The following DAB1 variants were observed in gnomAD, a reference collection of about 807,000 sequenced individuals.
DAB1 encodes the protein DAB adaptor protein 1, also known as disabled homolog 1.
DAB1 carries 15 observed loss-of-function variants against 64.6 expected under a neutral mutation model. That is an observed-to-expected ratio of 0.23 (90% CI 0.16 to 0.36). The LOEUF is 0.36. DAB1 is among the 10% of genes least tolerant of loss of function. DAB1 has a pLI of 1.00. For synonymous variants in DAB1, 235 were observed against 251.9 expected, an observed-to-expected ratio of 0.93 and a Z score of 0.64; for missense variants, 596 against 706.7, an observed-to-expected ratio of 0.84 and a Z score of 1.78.
At chr1:57,690,324 T>G (rs904196220) in intron 6 of DAB1, among the ~76,000 whole-genome samples, 6 of 152,174 alleles carry the variant, frequency 3.9e-5, no homozygotes, top group Non-Finnish European at 5.9e-5. Context: ...TAATCCCCTA[T>G]GTCAGAGGAG....
At chr1:57,781,884 T>C (rs1276214180) in intron 6 of DAB1, among the ~76,000 whole-genome samples, 1 of 152,158 alleles carries the variant, frequency 6.6e-6, no homozygotes, top group Non-Finnish European at 1.5e-5. Context: ...CAAGGTACGG[T>C]TTTCCTTATT....
intron 4 of DAB1, among the ~76,000 whole-genome samples, chr1:58,157,766 G>T (rs1286885109): frequency 6.6e-6 from 1 of 152,116 alleles, no homozygotes; most frequent in African/African-American, 2.4e-5. Flanking sequence ...CATCTTTTTA[G>T]TCCATGATCC....
At chr1:57,413,003 C>T (rs1041435670) in intron 1 of DAB1, among the ~76,000 whole-genome samples, 1 of 152,134 alleles carries the variant, frequency 6.6e-6, no homozygotes, top group African/African-American at 2.4e-5. Context: ...CTGACTCTAT[C>T]GTTAGGGGTG....
At chr1:57,017,528 G>T (rs759679824) in intron 11 of DAB1, among the ~76,000 whole-genome samples, 5 of 152,110 alleles carry the variant, frequency 3.3e-5, no homozygotes, top group East Asian at 1.9e-4. Context: ...AATATTCAAG[G>T]CCTGGTCATT....
rs117235755 is a variant in DAB1 at position 57,769,369 on chromosome 1, T to A, written n.551+114630A>T. Among the ~76,000 whole-genome samples, 1,026 of 152,266 alleles carry A rather than the reference T, an allele frequency of 6.7e-3. 15 individuals are homozygous for A. The highest frequency in any genetic ancestry group is 0.03 in the Admixed American group (452 of 15,284). On this transcript the variant is annotated intron_variant and non_coding_transcript_variant, in intron 6 of 20. Coordinates refer to the DAB1 transcript ENST00000485760. ...TGACCTTTCCTGGGTCTTGTGAGGA[T>A]CAACATTATGCTATGAGCTAGTCTC...
chr1:57,607,134 T>C (rs984974932), intron 7 of DAB1, among the ~76,000 whole-genome samples: 2 of 152,100 alleles, frequency 1.3e-5, no homozygotes, highest in African/African-American at 4.8e-5. Context: ...TTAAATCAGT[T>C]TGGTGAGTTT....
At chr1:57,890,160 GTT>G (rs1249975766) in intron 5 of DAB1, among the ~76,000 whole-genome samples, 3 of 152,140 alleles carry the variant, frequency 2.0e-5, no homozygotes, top group African/African-American at 7.2e-5. Context: ...AGTGATTGGA[GTT>G]AGGGGACTGG....
chr1:58,205,517 C>G (rs536848264), intron 4 of DAB1, among the ~76,000 whole-genome samples: 1 of 152,198 alleles, frequency 6.6e-6, no homozygotes, highest in Non-Finnish European at 1.5e-5. Context: ...CCCTGAGAAC[C>G]TGTTTGTGAT....
chr1:58,063,529 A>C (rs928228280), intron 5 of DAB1, among the ~76,000 whole-genome samples: 2 of 152,174 alleles, frequency 1.3e-5, no homozygotes, highest in African/African-American at 4.8e-5. Flanking sequence ...CATGGAGTAG[A>C]AAGAGTGTCT....
At chr1:57,355,785 A>G (rs1679043592) in intron 1 of DAB1, among the ~76,000 whole-genome samples, 2 of 152,034 alleles carry the variant, frequency 1.3e-5, no homozygotes, top group South Asian at 4.1e-4. Context: ...AGCTTTGTAC[A>G]TAAGAATTTT....
At chr1:57,670,751 A>G (rs915840173) in intron 6 of DAB1, among the ~76,000 whole-genome samples, 20 of 152,264 alleles carry the variant, frequency 1.3e-4, no homozygotes, top group African/African-American at 4.8e-4. Context: ...AACCTGTTGC[A>G]TAATGTAAAA....
rs140754433 is a variant in DAB1, at chr1:57,134,773, C to T, written c.306+1770G>A. ...CAAAAGGACTCAGGAGCCAGACCGC[C>T]TAGGTTCTAATCCTGCCTCTGTCAC... On this transcript the variant is annotated intron_variant, in intron 4 of 14. Coordinates refer to ENST00000371236, the MANE Select transcript of DAB1 (RefSeq NM_001365792.1). Among the ~76,000 whole-genome samples, 582 of 152,226 alleles carry T rather than the reference C, an allele frequency of 3.8e-3. 8 individuals are homozygous for T. The highest frequency in any genetic ancestry group is 0.013 in the African/African-American group (537 of 41,532).
In DAB1 at chr1:57,304,073, C is replaced by A. The variant is rs142691726; in HGVS notation, c.-136-12907G>T. ...TATTGCTATAGAGAAATACCTGAGGCTCGGTAATTTATAAGAAAAGAGGTT... is the reference window on the plus strand; with the variant it reads ...TATTGCTATAGAGAAATACCTGAGGATCGGTAATTTATAAGAAAAGAGGTT... On this transcript the variant is annotated intron_variant, in intron 1 of 14. Coordinates refer to ENST00000371236, the MANE Select transcript of DAB1 (RefSeq NM_001365792.1). Among the ~76,000 whole-genome samples the A allele has an allele frequency of 3.9e-3, 596 of 152,214 alleles. 6 individuals carry two copies. Among genetic ancestry groups the A allele is most frequent in the African/African-American group, 0.013 (558 of 41,524 alleles).
rs541725250 is a variant in DAB1 at position 57,518,055 on chromosome 1, G to A, written n.625+131537C>T. 1.2e-4 allele frequency among the ~76,000 whole-genome samples: 19 copies of A among 152,276 alleles called. No homozygotes were observed. The South Asian group carries it at 3.9e-3, about 32-fold the overall frequency. On this transcript the variant is annotated intron_variant and non_coding_transcript_variant, in intron 7 of 20. Coordinates refer to the DAB1 transcript ENST00000485760. ...AAGGCCTTTCTTATATTGAGCACAA[G>A]AAATTTGACTCCTTTATATCTTGAT...
chr1:57,729,697 C>A (rs1417485806), intron 6 of DAB1, among the ~76,000 whole-genome samples: 1 of 152,176 alleles, frequency 6.6e-6, no homozygotes, highest in East Asian at 1.9e-4. Flanking sequence ...ATTATTTCTG[C>A]CTTCTGCAAA....
At chr1:58,381,975 T>C (rs1362434053) in intron 3 of DAB1, among the ~76,000 whole-genome samples, 1 of 142,182 alleles carries the variant, frequency 7.0e-6, no homozygotes, top group Non-Finnish European at 1.5e-5. Context: ...AATGACACCA[T>C]GAAAGAAGAA....
intron 6 of DAB1, among the ~76,000 whole-genome samples, chr1:57,775,368 G>A (rs12116951): frequency 0.17 from 26,357 of 151,192 alleles, 2,972 homozygotes; most frequent in Admixed American, 0.29. Context: ...AAAGTTAACT[G>A]ACTTTAGACC....
chr1:57,852,015 C>T (rs998792431), intron 1 of DAB1, among the ~76,000 whole-genome samples: 4 of 152,170 alleles, frequency 2.6e-5, no homozygotes, highest in African/African-American at 9.7e-5. Flanking sequence ...GCACTTCAAA[C>T]TGAAGGAGAC....
At chr1:58,310,252 A>G (rs1662396708) in intron 4 of DAB1, among the ~76,000 whole-genome samples, 3 of 152,170 alleles carry the variant, frequency 2.0e-5, no homozygotes, top group Admixed American at 2.0e-4. Flanking sequence ...TTCACATATA[A>G]GTTTTCTTCA....
Sources: gnomAD v4.1 joint callset for allele counts (sites outside exome capture counted in the v4.1 genomes callset) on GRCh38, gnomAD v4.1.1 for gene constraint, MANE v1.5 for transcripts, NCBI Gene and HGNC (gene_info 2026-07-23, HGNC 2026-07-21) for gene names.